LSM11: variants seen among roughly 807,000 people sequenced by gnomAD.
LSM11 encodes U7 snRNA-associated Sm-like protein LSm11.
A neutral mutation model predicts 28.1 loss-of-function variants in LSM11; 14 were observed. The ratio of observed to expected loss-of-function variants is 0.50; its 90% CI spans 0.33 to 0.78. The LOEUF (loss-of-function observed/expected upper bound fraction) is 0.78. Ranked by LOEUF, LSM11 falls within the 30% of genes least tolerant of loss-of-function variation. LSM11 has a pLI of 0.02. For missense variants in LSM11, 495 were observed against 510.6 expected, an observed-to-expected ratio of 0.97 and a Z score of 0.30; for synonymous variants, 207 against 214.2, an observed-to-expected ratio of 0.97 and a Z score of 0.30.
rs1761365952 is a variant in LSM11, at chr5:157,758,514, C to T, written c.*3250C>T. On this transcript the variant is annotated 3_prime_UTR_variant, in exon 4 of 4. Coordinates refer to ENST00000286307, the MANE Select transcript of LSM11 (RefSeq NM_173491.4). Reference sequence around the variant, plus strand: ...TCATTTAGGACATTATCACAAGTTGCTATGGAAATAACTGAAGACTTCCTC... The same window carrying T: ...TCATTTAGGACATTATCACAAGTTGTTATGGAAATAACTGAAGACTTCCTC... 6.6e-6 allele frequency: 1 copy of T among 152,132 alleles called. No individual in the cohort carries two copies. The highest frequency in any genetic ancestry group is 1.5e-5 in the Non-Finnish European group (1 of 68,032). The allele number at this position is 152,132 out of a possible 1,614,324, so 9.4% of individuals were successfully genotyped here. A position where few individuals can be genotyped will look rare whatever the true frequency, so the allele number is the denominator to read the frequency against.
intron 1 of LSM11, among the ~76,000 whole-genome samples, chr5:157,744,825 C>G (rs1761122016): frequency 6.6e-6 from 1 of 152,114 alleles, no homozygotes; most frequent in South Asian, 2.1e-4. Flanking sequence ...TTCTCGAGTG[C>G]GATAAGCAGA....
rs140870594 is a variant in LSM11 at position 157,749,561 on chromosome 5, A to G, written c.449-1829A>G. ...GAATGCTTGATTTAATATGGCCTAT[A>G]ACACATATACACGCGCGCGCACGCG... On this transcript the variant is annotated intron_variant, in intron 1 of 3. Transcript: ENST00000286307. 1.8e-4 allele frequency among the ~76,000 whole-genome samples: 27 copies of G among 147,964 alleles called. No homozygotes were observed. The East Asian group carries it at 5.5e-3, about 30-fold the overall frequency.
intron 1 of LSM11, among the ~76,000 whole-genome samples, chr5:157,745,081 C>G (rs189896598): frequency 2.0e-5 from 3 of 152,156 alleles, no homozygotes; most frequent in African/African-American, 7.2e-5. Context: ...AAGCTGTAAA[C>G]AGCAGAGGCT....
At chr5:157,749,268 G>C (rs180929992) in intron 1 of LSM11, among the ~76,000 whole-genome samples, 3 of 152,112 alleles carry the variant, frequency 2.0e-5, no homozygotes, top group Admixed American at 2.0e-4. Flanking sequence ...TTTTTTCCAA[G>C]TTAGAAAAAA....
At chr5:157,753,595 G>A (rs1362213794) in intron 2 of LSM11, among the ~76,000 whole-genome samples, 1 of 152,178 alleles carries the variant, frequency 6.6e-6, no homozygotes, top group Non-Finnish European at 1.5e-5. Context: ...GGGATCTAAA[G>A]CCATCCTGCA....
At position 157,751,394 on chromosome 5, in the gene LSM11, C is replaced by T. The variant is rs773828091; in HGVS notation, c.453C>T (p.His151=). The stretch of plus-strand genomic sequence containing the variant: ...ACTGTTCTTCTCTTGTTTCAGTGCA[C>T]GAAGGCAGCCCTCTGGGTGAACTCC... ...PRNVLTRMPL[H]EGSPLGELHR... Residue 151 remains histidine, a synonymous_variant, in exon 2 of 4, where the codon CAC becomes CAT. Transcript: ENST00000286307. The T allele has an allele frequency of 3.7e-5, 59 of 1,586,026 alleles. No individual in the cohort carries two copies. The highest frequency in any genetic ancestry group is 2.0e-4 in the African/African-American group (15 of 73,232).
intron 1 of LSM11, 23 bp from the exon 2 acceptor site, chr5:157,751,367 T>G (rs1761228619): frequency 2.6e-6 from 4 of 1,567,678 alleles, no homozygotes; most frequent in Admixed American, 2.1e-5. Context: ...AAAACTGTCC[T>G]GACTGTTCTT....
chr5:157,748,660 A>C (rs890010906), intron 1 of LSM11, among the ~76,000 whole-genome samples: 2 of 152,170 alleles, frequency 1.3e-5, no homozygotes, highest in African/African-American at 4.8e-5. Context: ...CTGTTCCTAC[A>C]TTCCTATTAA....
chr5:157,754,146 A>C (rs1021286388), intron 3 of LSM11, 59 bp downstream of exon 3: 1 of 1,191,468 alleles, frequency 8.4e-7, no homozygotes, highest in Non-Finnish European at 1.2e-6. Flanking sequence ...TTAGGAATTA[A>C]GATCCCTGAG....
Position 157,751,437 on chromosome 5 carries a change from G to A in LSM11, c.496G>A (p.Gly166Arg), listed in dbSNP as rs1205760835. Residue 166 changes from glycine to arginine, a missense_variant, in exon 2 of 4, where the codon GGG becomes AGG. Coordinates refer to ENST00000286307, the MANE Select transcript of LSM11 (RefSeq NM_173491.4). ...TGAACTCCATCGCTGTATCCGTGAG[G>A]GGGTGAAGGTGAATGTTCACATCCG... is the stretch of plus-strand genomic sequence containing the variant. ...LGELHRCIRE[G>R]VKVNVHIRTF... 5 of 1,612,158 alleles carry A rather than the reference G, an allele frequency of 3.1e-6. No individual in the cohort carries two copies. The highest frequency in any genetic ancestry group is 4.2e-6 in the Non-Finnish European group (5 of 1,179,292).
At chr5:157,748,798 A>G (rs1561619670) in intron 1 of LSM11, among the ~76,000 whole-genome samples, 1 of 152,248 alleles carries the variant, frequency 6.6e-6, no homozygotes, top group Non-Finnish European at 1.5e-5. Context: ...TAGCAGGAGA[A>G]GGAAGAGTGG....
At chr5:157,754,751 A>T in intron 3 of LSM11, 103 bp from the exon 4 acceptor site, 3 of 831,324 alleles carry the variant, frequency 3.6e-6, no homozygotes, top group African/African-American at 1.7e-5. Flanking sequence ...CAAAGCAAGG[A>T]GTCCACAGAA....
chr5:157,752,858 A>T (rs1350880089), intron 2 of LSM11, among the ~76,000 whole-genome samples: 1 of 151,644 alleles, frequency 6.6e-6, no homozygotes, highest in East Asian at 1.9e-4. Context: ...AAAAAAAAAA[A>T]AAAAAAAGAA....
chr5:157,745,394 G>A (rs1755777410), intron 1 of LSM11, among the ~76,000 whole-genome samples: 1 of 152,162 alleles, frequency 6.6e-6, no homozygotes, highest in African/African-American at 2.4e-5. Flanking sequence ...CCATGCCACA[G>A]CATCCCTGCC....
chr5:157,746,617 A>C (rs548566869), intron 1 of LSM11, among the ~76,000 whole-genome samples: 1 of 152,306 alleles, frequency 6.6e-6, no homozygotes, highest in Non-Finnish European at 1.5e-5. Context: ...CAGTAATAAA[A>C]TTTTAAAAGT....
chr5:157,750,408 A>G (rs565409141), intron 1 of LSM11, among the ~76,000 whole-genome samples: 8 of 152,338 alleles, frequency 5.3e-5, no homozygotes, highest in African/African-American at 1.4e-4. Context: ...TATAGTCTCA[A>G]TATTCTTCCT....
At chr5:157,746,191 A>G (rs988895380) in intron 1 of LSM11, among the ~76,000 whole-genome samples, 2 of 152,232 alleles carry the variant, frequency 1.3e-5, no homozygotes, top group Non-Finnish European at 2.9e-5. Flanking sequence ...CAGGAAAATC[A>G]AAATATAGAT....
intron 3 of LSM11, 139 bp downstream of exon 3, chr5:157,754,226 T>A: frequency 2.1e-6 from 1 of 475,690 alleles, no homozygotes; most frequent in Non-Finnish European, 3.7e-6. Context: ...ACCAAGGTAT[T>A]CCTTAGTTCC....
rs770333418 is a variant in LSM11 at position 157,755,854 on chromosome 5, C to T, written c.*590C>T. On this transcript the variant is annotated 3_prime_UTR_variant, in exon 4 of 4. Transcript: ENST00000286307. ...ATTTGGATAGGCGGTATGCTCAAAG[C>T]AGCCAGCAATGAGTGCTCTGTTTTG... 1 of 398,818 alleles carries T rather than the reference C, an allele frequency of 2.5e-6. No individual in the cohort carries two copies. Among genetic ancestry groups the T allele is most frequent in the Non-Finnish European group, 4.4e-6 (1 of 226,760 alleles). 24.7% of individuals were successfully genotyped at this position (398,818 alleles called of 1,614,324 possible).
Sources: allele counts gnomAD v4.1 joint callset (sites outside exome capture counted in the v4.1 genomes callset), GRCh38; gene constraint gnomAD v4.1.1; transcripts MANE v1.5; gene names NCBI Gene and HGNC (gene_info 2026-07-23, HGNC 2026-07-21).